SUPT3H: variants seen among roughly 807,000 people sequenced by gnomAD.
SUPT3H encodes the protein transcription initiation protein SPT3 homolog.
In SUPT3H, 44 loss-of-function variants were observed where a neutral mutation model predicts 44.3. The observed-to-expected ratio is 0.99, with a 90% CI of 0.78 to 1.28. The LOEUF (loss-of-function observed/expected upper bound fraction) is 1.28, where lower values mean the gene tolerates loss of function less well. SUPT3H is among the 50% of genes most tolerant of loss of function. The pLI is 0.00. For missense variants in SUPT3H, 380 were observed against 387.1 expected (o/e 0.98, Z 0.15); for synonymous variants, 124 against 125.6 (o/e 0.99, Z 0.09).
chr6:45,272,563 T>G (rs1191323568), intron 2 of SUPT3H, among the ~76,000 whole-genome samples: 3 of 152,192 alleles, frequency 2.0e-5, no homozygotes, highest in Non-Finnish European at 4.4e-5. Context: ...GAAAATGGGC[T>G]AATACATTGA....
intron 10 of SUPT3H, among the ~76,000 whole-genome samples, chr6:44,909,544 T>C (rs1766680890): frequency 6.6e-6 from 1 of 152,242 alleles, no homozygotes; most frequent in African/African-American, 2.4e-5. Flanking sequence ...CCATGTAGCA[T>C]ACTAATATAT....
chr6:45,052,282 T>A lies in SUPT3H; in HGVS notation c.187-31650A>T, dbSNP rs76952507. Among the ~76,000 whole-genome samples the A allele has an allele frequency of 2.6e-3, 389 of 152,302 alleles. 3 individuals carry two copies. Among genetic ancestry groups the A allele is most frequent in the African/African-American group, 8.5e-3 (355 of 41,566 alleles). On this transcript the variant is annotated intron_variant, in intron 3 of 10. Coordinates refer to ENST00000371459, the MANE Select transcript of SUPT3H (RefSeq NM_003599.4). ...AGTTTTTAAAAAGCCCATTTAAAAA[T>A]GAGATTGCTGTAATTTATTTATGTT...
intron 2 of SUPT3H, among the ~76,000 whole-genome samples, chr6:45,200,769 T>C (rs1762355588): frequency 6.6e-6 from 1 of 151,430 alleles, no homozygotes; most frequent in Admixed American, 6.6e-5. Context: ...TTTTTTTAAT[T>C]TGAAAGAAGA....
At chr6:44,846,381 T>C (rs1034886162) in intron 10 of SUPT3H, among the ~76,000 whole-genome samples, 2 of 152,000 alleles carry the variant, frequency 1.3e-5, no homozygotes, top group Admixed American at 6.5e-5. Flanking sequence ...ACCACACAGA[T>C]AGTGACAAGA....
intron 11 of SUPT3H, among the ~76,000 whole-genome samples, chr6:44,820,306 C>G (rs1269120370): frequency 6.6e-6 from 1 of 152,114 alleles, no homozygotes; most frequent in Non-Finnish European, 1.5e-5. Context: ...TTGTAGTGGT[C>G]AAATTTCTTA....
chr6:45,157,839 C>T (rs984165680), intron 2 of SUPT3H, among the ~76,000 whole-genome samples: 1 of 151,618 alleles, frequency 6.6e-6, no homozygotes, highest in Non-Finnish European at 1.5e-5. Context: ...AGCCACCGCA[C>T]CCGGCCAGCA....
rs1242134223 is a variant in SUPT3H at position 44,828,938 on chromosome 6, G to A, written c.*878C>T. 10 of 152,570 alleles carry A rather than the reference G, an allele frequency of 6.6e-5. No individual in the cohort carries two copies. The highest frequency in any genetic ancestry group is 6.6e-4 in the Admixed American group (10 of 15,262). The allele number at this position is 152,570 out of a possible 1,614,324, so 9.5% of individuals were successfully genotyped here. On this transcript the variant is annotated 3_prime_UTR_variant, in exon 11 of 11. Transcript: ENST00000371459. ...AAAGAGTTACGGTTCCTCATTTACT[G>A]GAGAAAGTATAGATGCCAGAAGGGT... is the stretch of plus-strand genomic sequence containing the variant.
At chr6:45,075,204 C>T (rs776468328) in intron 3 of SUPT3H, among the ~76,000 whole-genome samples, 3 of 152,024 alleles carry the variant, frequency 2.0e-5, no homozygotes, top group Non-Finnish European at 4.4e-5. Flanking sequence ...GAAAATTATT[C>T]GTTTGCCATC....
At chr6:44,918,144 GA>G (rs1768103911) in intron 10 of SUPT3H, among the ~76,000 whole-genome samples, 1 of 152,052 alleles carries the variant, frequency 6.6e-6, no homozygotes, top group African/African-American at 2.4e-5. Flanking sequence ...GAATCCCCTT[GA>G]AACCACTCCC....
intron 2 of SUPT3H, among the ~76,000 whole-genome samples, chr6:45,346,567 C>CT (rs71745024): frequency 0.44 from 61,408 of 140,262 alleles, 14,199 homozygotes; most frequent in African/African-American, 0.52. Context: ...ATAAACATTT[C>CT]TTTTTTTTTT....
intron 3 of SUPT3H, among the ~76,000 whole-genome samples, chr6:45,100,541 T>TAAAAAAAAAAAAAAAAAAAAAAAAA (rs58120512): frequency 6.0e-5 from 2 of 33,454 alleles, no homozygotes; most frequent in African/African-American, 3.5e-4. Flanking sequence ...ACCCTGTACT[T>TAAAAAAAAAAAAAAAAAAAAAAAAA]AAAAAAAAAA....
Position 45,017,218 on chromosome 6 carries a change from T to G in SUPT3H, c.274-2327A>C, listed in dbSNP as rs534833057. ...TTTGTTTTTTTCTTGTAAATTTGTT[T>G]GAGTTCATTGTAGATTCTGGATATT... On this transcript the variant is annotated intron_variant, in intron 4 of 10. Coordinates refer to ENST00000371459, the MANE Select transcript of SUPT3H (RefSeq NM_003599.4). Among the ~76,000 whole-genome samples the G allele has an allele frequency of 5.0e-4, 75 of 150,618 alleles. No individual in the cohort carries two copies. In the Middle Eastern group the frequency reaches 0.01, roughly 21 times the overall value.
intron 3 of SUPT3H, among the ~76,000 whole-genome samples, chr6:45,026,985 C>CTTTTTTTTTTTTTTTT (rs34588777): frequency 1.1e-5 from 1 of 87,510 alleles, no homozygotes; most frequent in Non-Finnish European, 2.1e-5. Flanking sequence ...GCTTTGGATC[C>CTTTTTTTTTTTTTTTT]TTTTTTTTTT....
intron 2 of SUPT3H, among the ~76,000 whole-genome samples, chr6:45,264,416 T>C (rs1047448635): frequency 4.6e-5 from 7 of 152,214 alleles, no homozygotes; most frequent in Admixed American, 2.0e-4. Flanking sequence ...TCCTAGCACT[T>C]TGAGAGGCTG....
intron 9 of SUPT3H, among the ~76,000 whole-genome samples, chr6:44,938,863 CT>C (rs1156892786): frequency 6.6e-6 from 1 of 151,966 alleles, no homozygotes; most frequent in East Asian, 1.9e-4. Flanking sequence ...TTCTTGATTT[CT>C]TTCTCAGCTA....
chr6:44,949,817 A>C (rs946068012), intron 9 of SUPT3H, among the ~76,000 whole-genome samples: 8 of 152,220 alleles, frequency 5.3e-5, no homozygotes, highest in Non-Finnish European at 1.2e-4. Context: ...AGCAACTGGA[A>C]CTCTAATACA....
At chr6:45,347,349 T>C (rs370347752) in intron 2 of SUPT3H, among the ~76,000 whole-genome samples, 35 of 152,330 alleles carry the variant, frequency 2.3e-4, no homozygotes, top group African/African-American at 8.2e-4. Flanking sequence ...TATTTCCTTC[T>C]TTCTCAAGTT....
At chr6:45,352,672 C>G (rs1792303496) in intron 2 of SUPT3H, among the ~76,000 whole-genome samples, 1 of 152,022 alleles carries the variant, frequency 6.6e-6, no homozygotes, top group South Asian at 2.1e-4. Context: ...ACCTAGTATT[C>G]TGTTTATAAG....
intron 4 of SUPT3H, among the ~76,000 whole-genome samples, chr6:45,016,545 C>A (rs1174523194): frequency 7.2e-6 from 1 of 139,654 alleles, no homozygotes; most frequent in African/African-American, 2.7e-5. Flanking sequence ...TTACTGTGTC[C>A]ATGTGTTCTC....
Sources: allele counts gnomAD v4.1 joint callset (sites outside exome capture counted in the v4.1 genomes callset), GRCh38; gene constraint gnomAD v4.1.1; transcripts MANE v1.5; gene names NCBI Gene and HGNC (gene_info 2026-07-23, HGNC 2026-07-21).